PPM1L: variants seen among roughly 807,000 people sequenced by gnomAD.
The protein encoded by PPM1L is protein phosphatase, Mg2+/Mn2+ dependent 1L.
A neutral mutation model predicts 31.4 loss-of-function variants in PPM1L; 13 were observed. The ratio of observed to expected loss-of-function variants is 0.41; its 90% CI spans 0.27 to 0.66. The LOEUF (loss-of-function observed/expected upper bound fraction) is 0.66. Among genes scored for constraint, PPM1L ranks in the 30% least tolerant of loss-of-function variants. The pLI is 0.29. For missense variants in PPM1L, 326 were observed against 453.7 expected, an observed-to-expected ratio of 0.72 and a Z score of 2.56; for synonymous variants, 184 against 175.4, an observed-to-expected ratio of 1.05 and a Z score of -0.39.
At chr3:160,783,800 A>G (rs925771584) in intron 1 of PPM1L, among the ~76,000 whole-genome samples, 4 of 152,074 alleles carry the variant, frequency 2.6e-5, no homozygotes, top group African/African-American at 9.7e-5. Flanking sequence ...TTGTGTCCTG[A>G]GTTTCCCAAA....
intron 2 of PPM1L, among the ~76,000 whole-genome samples, chr3:160,991,062 A>C (rs911716096): frequency 1.3e-5 from 2 of 149,738 alleles, no homozygotes; most frequent in Non-Finnish European, 3.0e-5. Flanking sequence ...CATTAATACT[A>C]ATGATAGCTG....
At chr3:161,002,689 G>GT (rs1375062163) in intron 2 of PPM1L, among the ~76,000 whole-genome samples, 1 of 142,862 alleles carries the variant, frequency 7.0e-6, no homozygotes, top group Non-Finnish European at 1.5e-5. Context: ...GGGGTTGTTT[G>GT]TTTTTTTCTT....
At chr3:161,066,999 A>G (rs1164966770) in intron 3 of PPM1L, among the ~76,000 whole-genome samples, 8 of 152,226 alleles carry the variant, frequency 5.3e-5, no homozygotes, top group East Asian at 1.9e-4. Context: ...AGGAGCATCT[A>G]TCAAGCTTTG....
intron 2 of PPM1L, among the ~76,000 whole-genome samples, chr3:161,045,087 A>G (rs1364529546): frequency 6.6e-6 from 1 of 152,250 alleles, no homozygotes; most frequent in Non-Finnish European, 1.5e-5. Context: ...CTAAATATAT[A>G]TGCACTCAAT....
At chr3:160,906,072 A>G (rs1713744967) in intron 1 of PPM1L, among the ~76,000 whole-genome samples, 1 of 151,684 alleles carries the variant, frequency 6.6e-6, no homozygotes. Flanking sequence ...TAACATTATT[A>G]TTATTATTTT....
chr3:160,890,945 CCTT>C (rs1713118247), intron 1 of PPM1L, among the ~76,000 whole-genome samples: 1 of 152,108 alleles, frequency 6.6e-6, no homozygotes, highest in Non-Finnish European at 1.5e-5. Flanking sequence ...AAACTGGACC[CCTT>C]CTTTACACCT....
In PPM1L at chr3:161,042,817, G is replaced by A. The variant is rs374042833; in HGVS notation, c.575-22586G>A. On this transcript the variant is annotated intron_variant, in intron 2 of 3. Coordinates refer to ENST00000498165, the MANE Select transcript of PPM1L (RefSeq NM_139245.4). Reference sequence around the variant, plus strand: ...GGGTGAATCACGAGGTCAGGAGTTCGAGACAAGCCTGGCCATCATGGTGAA... The same window carrying A: ...GGGTGAATCACGAGGTCAGGAGTTCAAGACAAGCCTGGCCATCATGGTGAA... Among the ~76,000 whole-genome samples the A allele has an allele frequency of 1.6e-4, 24 of 152,004 alleles. No individual in the cohort carries two copies. In the South Asian group the frequency reaches 1.7e-3, roughly 11 times the overall value.
intron 2 of PPM1L, among the ~76,000 whole-genome samples, chr3:161,001,113 T>G (rs1314551407): frequency 6.6e-6 from 1 of 152,200 alleles, no homozygotes; most frequent in Non-Finnish European, 1.5e-5. Context: ...CTAGTAACAA[T>G]AATCATTTGT....
In PPM1L at chr3:160,778,752, C is replaced by T. The variant is rs965661706; in HGVS notation, c.399+22045C>T. Among the ~76,000 whole-genome samples the T allele has an allele frequency of 3.3e-5, 5 of 152,104 alleles. No homozygotes were observed. In the East Asian group the frequency reaches 9.7e-4, roughly 29 times the overall value. On this transcript the variant is annotated intron_variant, in intron 1 of 3. Transcript: ENST00000498165. ...GGGAAAGTTGTCCAATGTGTAGAGG[C>T]CAGAGATGCTACTAAGTATCCTACA...
intron 2 of PPM1L, among the ~76,000 whole-genome samples, chr3:161,013,595 C>T (rs932410782): frequency 1.3e-5 from 2 of 152,110 alleles, no homozygotes; most frequent in Non-Finnish European, 2.9e-5. Context: ...CTTTGTGTCT[C>T]GTTGATCTGT....
chr3:160,992,659 T>G (rs2108044887), intron 2 of PPM1L, among the ~76,000 whole-genome samples: 1 of 152,336 alleles, frequency 6.6e-6, no homozygotes, highest in Admixed American at 6.5e-5. Context: ...TGCAAACAAC[T>G]TTATCCTTGG....
intron 1 of PPM1L, among the ~76,000 whole-genome samples, chr3:160,894,165 C>T (rs1384010390): frequency 6.6e-6 from 1 of 152,144 alleles, no homozygotes; most frequent in African/African-American, 2.4e-5. Flanking sequence ...AAGACCTCTA[C>T]AAAAAACATT....
At chr3:161,053,018 T>C (rs1247499802) in intron 2 of PPM1L, among the ~76,000 whole-genome samples, 2 of 152,220 alleles carry the variant, frequency 1.3e-5, no homozygotes, top group East Asian at 1.9e-4. Context: ...ACCGTAGTTA[T>C]AATTTGCTGG....
At chr3:160,928,285 C>A (rs1714668138) in intron 1 of PPM1L, among the ~76,000 whole-genome samples, 1 of 152,090 alleles carries the variant, frequency 6.6e-6, no homozygotes, top group Non-Finnish European at 1.5e-5. Flanking sequence ...CTGCCTAGCA[C>A]CCTTCTTCAC....
At chr3:160,910,129 T>C (rs1713903650) in intron 1 of PPM1L, among the ~76,000 whole-genome samples, 1 of 152,176 alleles carries the variant, frequency 6.6e-6, no homozygotes, top group Non-Finnish European at 1.5e-5. Context: ...TGATGACTTC[T>C]CAATCTTGAA....
rs1400861454 is a variant in PPM1L, at chr3:161,076,896, AGATT to A, written c.*7743_*7746del. On this transcript the variant is annotated 3_prime_UTR_variant, in exon 4 of 4. Coordinates refer to ENST00000498165, the MANE Select transcript of PPM1L (RefSeq NM_139245.4). ...ATAGAAGCATCATTGCATTTATAAC[AGATT>A]GATCAATCTTATGAACAGATTACAT... 6.6e-6 allele frequency: 1 copy of A among 152,254 alleles called. No homozygotes were observed. Among genetic ancestry groups the A allele is most frequent in the Non-Finnish European group, 1.5e-5 (1 of 68,048 alleles). 9.4% of individuals were successfully genotyped at this position (152,254 alleles called of 1,614,324 possible). A position where few individuals can be genotyped will look rare whatever the true frequency, so the allele number is the denominator to read the frequency against.
intron 1 of PPM1L, among the ~76,000 whole-genome samples, chr3:160,849,494 C>G (rs61242416): frequency 6.6e-6 from 1 of 151,772 alleles, no homozygotes; most frequent in Non-Finnish European, 1.5e-5. Context: ...GCTCATGGCT[C>G]ACTGCAAGCT....
intron 3 of PPM1L, among the ~76,000 whole-genome samples, chr3:161,066,356 G>T (rs1466577433): frequency 6.6e-6 from 1 of 152,142 alleles, no homozygotes; most frequent in Non-Finnish European, 1.5e-5. Context: ...GCATGGGGGT[G>T]AGGAATGGAG....
chr3:160,774,348 G>A (rs1426064606), intron 1 of PPM1L, among the ~76,000 whole-genome samples: 1 of 152,024 alleles, frequency 6.6e-6, no homozygotes, highest in African/African-American at 2.4e-5. Flanking sequence ...GCTAATTCAG[G>A]CTTTCAACAC....
Sources: gnomAD v4.1 joint callset for allele counts (sites outside exome capture counted in the v4.1 genomes callset) on GRCh38, gnomAD v4.1.1 for gene constraint, MANE v1.5 for transcripts, NCBI Gene and HGNC (gene_info 2026-07-23, HGNC 2026-07-21) for gene names.